RBFOX3: variants seen among roughly 807,000 people sequenced by gnomAD.
The protein encoded by RBFOX3 is RNA binding protein fox-1 homolog 3.
RBFOX3 carries 17 observed loss-of-function variants against 48.7 expected under a neutral mutation model. That is an observed-to-expected ratio of 0.35 (90% CI 0.24 to 0.52). RBFOX3 has a LOEUF of 0.52. Among genes scored for constraint, RBFOX3 ranks in the 20% least tolerant of loss-of-function variants. The probability of loss-of-function intolerance (pLI) is 0.94; values close to 1 mark genes in which losing one functional copy is unlikely to be tolerated. For missense variants in RBFOX3, 382 were observed against 497.5 expected (o/e 0.77, Z 2.21); for synonymous variants, 212 against 209.5 (o/e 1.01, Z -0.10).
At chr17:79,122,467 T>C (rs768817744) in intron 4 of RBFOX3, among the ~76,000 whole-genome samples, 19 of 152,238 alleles carry the variant, frequency 1.2e-4, no homozygotes, top group East Asian at 7.7e-4. Flanking sequence ...CTCACCATCA[T>C]TGATCATCAG....
rs779066017 is a variant in RBFOX3, at chr17:79,106,668, A to G, written c.343T>C (p.Leu115=). Residue 115 remains leucine (L), a synonymous_variant, in exon 6 of 15, where the codon TTG becomes CTG. Coordinates refer to ENST00000693108, the MANE Select transcript of RBFOX3 (RefSeq NM_001350451.2). ...ACACTCACCCCGAACATTTGCCGCA[A>G]GTCGGGGTCCCTGAACCGGAAGGGG... ...NIPFRFRDPD[L]RQMFGQFGKI... 1.2e-4 allele frequency: 178 copies of G among 1,482,524 alleles called. No individual in the cohort carries two copies. Among genetic ancestry groups the G allele is most frequent in the Admixed American group, 3.4e-4 (12 of 35,542 alleles). The allele number at this position is 1,482,524 out of a possible 1,614,324, so 91.8% of individuals were successfully genotyped here.
chr17:79,618,640 G>A, the RBFOX3 span, among the ~76,000 whole-genome samples: 1 of 152,186 alleles, frequency 6.6e-6, no homozygotes, highest in African/African-American at 2.4e-5. Flanking sequence ...CATCCGTCTG[G>A]ACAAATGGAT....
At chr17:79,093,342 A>T (rs942916054) in intron 14 of RBFOX3, among the ~76,000 whole-genome samples, 2 of 149,916 alleles carry the variant, frequency 1.3e-5, no homozygotes, top group African/African-American at 4.9e-5. Flanking sequence ...AAAATTGGGG[A>T]AAAATAGAAA....
chr17:79,138,541 C>A (rs1041646864), intron 4 of RBFOX3, among the ~76,000 whole-genome samples: 1 of 152,064 alleles, frequency 6.6e-6, no homozygotes, highest in Non-Finnish European at 1.5e-5. Context: ...ACTGTGCATG[C>A]TCACTCCTGA....
intron 1 of RBFOX3, among the ~76,000 whole-genome samples, chr17:79,550,809 T>C (rs896580499): frequency 5.9e-5 from 9 of 152,134 alleles, no homozygotes; most frequent in South Asian, 2.1e-4. Flanking sequence ...AGTGAGTGGG[T>C]TGATTTATGG....
At chr17:79,369,957 C>A (rs1020572299) in intron 2 of RBFOX3, among the ~76,000 whole-genome samples, 1 of 152,180 alleles carries the variant, frequency 6.6e-6, no homozygotes, top group Non-Finnish European at 1.5e-5. Context: ...GCTGCAGGTG[C>A]ACATTTCTCC....
chr17:79,516,864 C>T (rs964794157), intron 1 of RBFOX3, among the ~76,000 whole-genome samples: 13 of 152,112 alleles, frequency 8.5e-5, no homozygotes, highest in African/African-American at 2.2e-4. Context: ...AACGTGACGC[C>T]GAGACAAGCC....
chr17:79,238,015 C>T (rs1355790944), intron 3 of RBFOX3, among the ~76,000 whole-genome samples: 5 of 152,262 alleles, frequency 3.3e-5, no homozygotes, highest in Non-Finnish European at 4.4e-5. Context: ...CAGCTCCCTG[C>T]AACCTCTGCC....
At chr17:79,602,989 T>A (rs1017797565) in intron 1 of RBFOX3, among the ~76,000 whole-genome samples, 1 of 3,318 alleles carries the variant, frequency 3.0e-4, no homozygotes, top group East Asian at 0.045. Flanking sequence ...TGAGCTACCC[T>A]TTTTTTTTTT....
At chr17:79,292,322 T>G (rs570162531) in intron 3 of RBFOX3, among the ~76,000 whole-genome samples, 1 of 151,970 alleles carries the variant, frequency 6.6e-6, no homozygotes, top group African/African-American at 2.4e-5. Flanking sequence ...GGACCCCGCA[T>G]GCCTCCAGTA....
rs556929227 is a variant in RBFOX3, at chr17:79,104,239, G to A, written c.361-113C>T. 126 of 983,762 alleles carry A rather than the reference G, an allele frequency of 1.3e-4. No individual in the cohort carries two copies. The African/African-American group carries it at 1.6e-3, about 12-fold the overall frequency. The allele number at this position is 983,762 out of a possible 1,614,324, so 60.9% of individuals were successfully genotyped here. A position where few individuals can be genotyped will look rare whatever the true frequency, so the allele number is the denominator to read the frequency against. On this transcript the variant is annotated intron_variant, in intron 6 of 14. Transcript: ENST00000693108. ...ACGCTCATGCCTGTGCTCTGCCCTC[G>A]GCCCCCAGCTTGGGAAAGGAGACCG...
intron 1 of RBFOX3, among the ~76,000 whole-genome samples, chr17:79,584,063 CA>C (rs1338261716): frequency 6.6e-6 from 1 of 152,158 alleles, no homozygotes; most frequent in Non-Finnish European, 1.5e-5. Flanking sequence ...GCACGGATCA[CA>C]AAAGGCCTGG....
At chr17:79,532,359 C>T (rs1476700481) in intron 1 of RBFOX3, among the ~76,000 whole-genome samples, 1 of 152,140 alleles carries the variant, frequency 6.6e-6, no homozygotes, top group African/African-American at 2.4e-5. Flanking sequence ...GAGGTGGGGC[C>T]CAGGTGAGCC....
intron 1 of RBFOX3, among the ~76,000 whole-genome samples, chr17:79,556,474 G>C (rs1378841489): frequency 6.6e-6 from 1 of 152,186 alleles, no homozygotes; most frequent in Non-Finnish European, 1.5e-5. Flanking sequence ...GCCGCCCACA[G>C]GAAGGCTTAC....
chr17:79,475,473 T>C (rs2077597889), intron 2 of RBFOX3, among the ~76,000 whole-genome samples: 1 of 152,144 alleles, frequency 6.6e-6, no homozygotes, highest in Non-Finnish European at 1.5e-5. Context: ...CCTGGCAGCC[T>C]TGGAGGATAC....
At chr17:79,519,537 A>T (rs1054878855) in intron 1 of RBFOX3, among the ~76,000 whole-genome samples, 23 of 149,786 alleles carry the variant, frequency 1.5e-4, no homozygotes, top group African/African-American at 5.6e-4. Context: ...CCTCCCCTTT[A>T]CCTGTCCTGT....
At chr17:79,369,139 C>T (rs375219242) in intron 2 of RBFOX3, among the ~76,000 whole-genome samples, 3 of 152,162 alleles carry the variant, frequency 2.0e-5, no homozygotes, top group East Asian at 1.9e-4. Flanking sequence ...GGTGGGCATC[C>T]GGTGGCACTG....
intron 2 of RBFOX3, among the ~76,000 whole-genome samples, chr17:79,450,273 A>C (rs1704673168): frequency 6.6e-6 from 1 of 152,236 alleles, no homozygotes; most frequent in South Asian, 2.1e-4. Context: ...TTCCAATTTC[A>C]ATTCTAATCA....
At chr17:79,396,979 C>A (rs563273375) in intron 2 of RBFOX3, among the ~76,000 whole-genome samples, 4 of 152,208 alleles carry the variant, frequency 2.6e-5, no homozygotes, top group Non-Finnish European at 5.9e-5. Context: ...GGAACGCGCA[C>A]CAGGCTAAGC....
Sources: allele counts gnomAD v4.1 joint callset (sites outside exome capture counted in the v4.1 genomes callset), GRCh38; gene constraint gnomAD v4.1.1; transcripts MANE v1.5; gene names NCBI Gene and HGNC (gene_info 2026-07-23, HGNC 2026-07-21).